Variants in MID2 observed in about 807,000 individuals in gnomAD.
The protein encoded by MID2 is midline 2.
In MID2, 13 loss-of-function variants were observed where a neutral mutation model predicts 46.1. That is an observed-to-expected ratio of 0.28 (90% CI 0.18 to 0.45). The LOEUF is 0.45. Ranked by LOEUF, MID2 falls within the 20% of genes least tolerant of loss-of-function variation. The probability of loss-of-function intolerance (pLI) is 1.00; values close to 1 mark genes in which losing one functional copy is unlikely to be tolerated. For missense variants in MID2, 431 were observed against 575.4 expected (o/e 0.75, Z 2.57); for synonymous variants, 199 against 212.3 (o/e 0.94, Z 0.55).
At chrX:107,884,643 C>CAAAAAT (rs1379085043) in intron 3 of MID2, among the ~76,000 whole-genome samples, 5 of 111,214 alleles carry the variant, frequency 4.5e-5, no homozygotes, top group Admixed American at 3.8e-4. Context: ...TGGTTTTCCT[C>CAAAAAT]AAAAATAAAA....
At chrX:107,837,362 T>C (rs1264596780) in intron 1 of MID2, among the ~76,000 whole-genome samples, 2 of 111,108 alleles carry the variant, frequency 1.8e-5, no homozygotes, top group South Asian at 7.5e-4. Flanking sequence ...AACACAGACA[T>C]TGAGGAATGC....
At chrX:107,889,592 G>C (rs777450601) in intron 3 of MID2, among the ~76,000 whole-genome samples, 1 of 110,879 alleles carries the variant, frequency 9.0e-6, no homozygotes, top group African/African-American at 3.3e-5. Context: ...TGACAATTAT[G>C]TGTCTTGGAG....
chrX:107,841,424 G>A (rs778101964), intron 2 of MID2, 39 bp downstream of exon 2: 45 of 1,004,513 alleles, frequency 4.5e-5, no homozygotes, highest in South Asian at 1.1e-4. Flanking sequence ...CAACTTTGTC[G>A]CATAAATGCA....
At chrX:107,841,614 T>A (rs143695799) in intron 2 of MID2, among the ~76,000 whole-genome samples, 5 of 112,651 alleles carry the variant, frequency 4.4e-5, no homozygotes, top group African/African-American at 1.6e-4. Context: ...AGTCAGCTCA[T>A]GGCCTGCAAC....
At chrX:107,918,372 A>G (rs1381007270) in intron 7 of MID2, among the ~76,000 whole-genome samples, 3 of 111,750 alleles carry the variant, frequency 2.7e-5, no homozygotes, top group African/African-American at 9.8e-5. Flanking sequence ...GATGGTGGAA[A>G]TGGAAACAAA....
intron 3 of MID2, among the ~76,000 whole-genome samples, chrX:107,869,082 C>A (rs2147841865): frequency 9.1e-6 from 1 of 110,382 alleles, no homozygotes; most frequent in South Asian, 3.9e-4. Context: ...ACTTTCTTTT[C>A]ATATTTTCGG....
chrX:107,882,715 G>A (rs770344865), intron 3 of MID2, among the ~76,000 whole-genome samples: 3 of 112,153 alleles, frequency 2.7e-5, no homozygotes, highest in South Asian at 7.5e-4. Context: ...AGGTGCTGGA[G>A]AGGTTGTGGA....
At chrX:107,826,642 G>T (rs1243654888) in intron 1 of MID2, among the ~76,000 whole-genome samples, 1 of 112,925 alleles carries the variant, frequency 8.9e-6, no homozygotes, top group East Asian at 2.8e-4. Context: ...TGCTGTTGGG[G>T]CCCGGGTTCC....
intron 3 of MID2, among the ~76,000 whole-genome samples, chrX:107,855,518 G>C (rs773326170): frequency 4.5e-5 from 5 of 112,346 alleles, no homozygotes; most frequent in African/African-American, 1.6e-4. Context: ...TTCATGGGCA[G>C]TGGTTGGATA....
intron 5 of MID2, among the ~76,000 whole-genome samples, chrX:107,907,735 CT>C (rs1932848267): frequency 8.9e-6 from 1 of 111,941 alleles, no homozygotes; most frequent in African/African-American, 3.2e-5. Context: ...TTCTTCACCC[CT>C]AATTTACTCT....
At chrX:107,869,708 A>G (rs906216322) in intron 3 of MID2, among the ~76,000 whole-genome samples, 2 of 110,427 alleles carry the variant, frequency 1.8e-5, no homozygotes, top group Admixed American at 9.6e-5. Context: ...AGTACTTTGT[A>G]CTCTTGTCCG....
chrX:107,827,250 A>G (rs1930976929), intron 1 of MID2, among the ~76,000 whole-genome samples: 2 of 110,866 alleles, frequency 1.8e-5, no homozygotes, highest in African/African-American at 6.6e-5. Context: ...CAGTCGTTGT[A>G]CTCTTTACTT....
chrX:107,898,145 C>A (rs1047039317), intron 3 of MID2, among the ~76,000 whole-genome samples: 3 of 111,469 alleles, frequency 2.7e-5, no homozygotes, highest in Non-Finnish European at 5.7e-5. Flanking sequence ...TTGCTCTCAA[C>A]TAAGATGTCA....
intron 1 of MID2, among the ~76,000 whole-genome samples, chrX:107,836,774 A>C (rs1346103240): frequency 9.0e-6 from 1 of 111,357 alleles, no homozygotes; most frequent in Non-Finnish European, 1.9e-5. Context: ...AAGTTGATAA[A>C]AGTATTCAGT....
At chrX:107,864,800 A>G (rs1323549904) in intron 3 of MID2, among the ~76,000 whole-genome samples, 1 of 112,026 alleles carries the variant, frequency 8.9e-6, no homozygotes, top group Non-Finnish European at 1.9e-5. Flanking sequence ...ATTACTTAGA[A>G]GTACACATAC....
intron 3 of MID2, among the ~76,000 whole-genome samples, chrX:107,879,795 G>A (rs886240333): frequency 9.0e-6 from 1 of 110,841 alleles, no homozygotes; most frequent in Non-Finnish European, 1.9e-5. Flanking sequence ...TTATTTTACA[G>A]GATAGTGATC....
intron 3 of MID2, among the ~76,000 whole-genome samples, chrX:107,882,407 G>A (rs1227103154): frequency 2.7e-5 from 3 of 111,201 alleles, no homozygotes; most frequent in Non-Finnish European, 3.8e-5. Flanking sequence ...TTACCATCAG[G>A]GTGAACAGGC....
chrX:107,852,493 A>G (rs928402368), intron 2 of MID2, among the ~76,000 whole-genome samples: 1 of 111,423 alleles, frequency 9.0e-6, no homozygotes, highest in African/African-American at 3.3e-5. Context: ...AGAAGACCAC[A>G]GATTGAGATG....
At chrX:107,856,507 A>C (rs1050999747) in intron 3 of MID2, among the ~76,000 whole-genome samples, 3 of 112,177 alleles carry the variant, frequency 2.7e-5, no homozygotes, top group Non-Finnish European at 5.6e-5. Context: ...GTTTATTTTT[A>C]TAGCTCATTC....
Sources: allele counts gnomAD v4.1 joint callset (sites outside exome capture counted in the v4.1 genomes callset), GRCh38; gene constraint gnomAD v4.1.1; transcripts MANE v1.5; gene names NCBI Gene and HGNC (gene_info 2026-07-23, HGNC 2026-07-21).